ITGB5: variants seen among roughly 807,000 people sequenced by gnomAD.
ITGB5 encodes the protein integrin subunit beta 5, also known as integrin beta-5.
Under a neutral mutation model 84.8 loss-of-function variants are expected in ITGB5, and 38 were observed. That is an observed-to-expected ratio of 0.45 (90% CI 0.35 to 0.59). The LOEUF (loss-of-function observed/expected upper bound fraction) is 0.59. ITGB5 is among the 20% of genes least tolerant of loss of function. The pLI is 0.01. For synonymous variants in ITGB5, 393 were observed against 414.4 expected (o/e 0.95, Z 0.63); for missense variants, 905 against 1,034.5 (o/e 0.87, Z 1.72).
chr3:124,841,199 G>A (rs528669627), intron 5 of ITGB5, among the ~76,000 whole-genome samples, 184 bp downstream of exon 5: 47 of 152,198 alleles, frequency 3.1e-4, no homozygotes, highest in South Asian at 2.9e-3. Flanking sequence ...ATCCATTCCC[G>A]AGCTCCGGCT....
chr3:124,889,614 T>C (rs1339025162), upstream of ITGB5, among the ~76,000 whole-genome samples: 3 of 152,204 alleles, frequency 2.0e-5, no homozygotes, highest in Admixed American at 2.0e-4. Context: ...GTAAAACGCT[T>C]GTCCCTAAAC....
intron 1 of ITGB5, among the ~76,000 whole-genome samples, chr3:124,898,773 TAA>T (rs36079714): frequency 0.024 from 2,667 of 109,668 alleles, 97 homozygotes; most frequent in African/African-American, 0.091. Context: ...CCCCATGTCT[TAA>T]AAAAAAAAAA....
At chr3:124,787,296 C>T (rs1210880079) in intron 10 of ITGB5, among the ~76,000 whole-genome samples, 2 of 152,070 alleles carry the variant, frequency 1.3e-5, no homozygotes, top group African/African-American at 2.4e-5. Context: ...AGGATCTGAG[C>T]GGTAAGCAAA....
Position 124,769,090 on chromosome 3 carries a change from A to T in ITGB5, c.1940T>A (p.Leu647His). ...CTGGTTGTCAGGTTTCCCAGAGTGG[A>T]GCAGCAGGCACTCGACGCAATCTCT... is the stretch of plus-strand genomic sequence containing the variant. ...TKRDCVECLL[L>H]HSGKPDNQTC... The change falls in exon 12 of 15, where the codon CTC becomes CAC. Residue 647 changes from leucine (L) to histidine (H), a missense_variant. Transcript: ENST00000296181. 1 of 1,613,990 alleles carries T rather than the reference A, an allele frequency of 6.2e-7. No homozygotes were observed. Among genetic ancestry groups the T allele is most frequent in the Non-Finnish European group, 8.5e-7 (1 of 1,180,010 alleles).
chr3:124,767,227 T>G (rs1409732034), intron 12 of ITGB5, among the ~76,000 whole-genome samples: 4 of 152,208 alleles, frequency 2.6e-5, no homozygotes, highest in Admixed American at 6.5e-5. Flanking sequence ...GGTAAATGCT[T>G]TCCAGCTCTT....
intron 5 of ITGB5, among the ~76,000 whole-genome samples, chr3:124,830,131 A>T (rs2064838800): frequency 1.3e-5 from 2 of 152,230 alleles, no homozygotes; most frequent in East Asian, 3.8e-4. Flanking sequence ...CACTAGTTTG[A>T]GGACGCAAGC....
chr3:124,842,867 T>C (rs557493830), intron 4 of ITGB5, among the ~76,000 whole-genome samples: 33 of 152,264 alleles, frequency 2.2e-4, no homozygotes, highest in African/African-American at 7.5e-4. Flanking sequence ...AAGGGGCTAT[T>C]CCATTCCCTC....
At chr3:124,850,711 CA>C (rs3836318) in intron 3 of ITGB5, among the ~76,000 whole-genome samples, 87,777 of 148,536 alleles carry the variant, frequency 0.59, 25,797 homozygotes, top group East Asian at 0.75. Flanking sequence ...TTTAAAAAAA[CA>C]AAAAAAAAAA....
At chr3:124,764,621 G>A in intron 13 of ITGB5, 64 bp from the exon 14 acceptor site, 1 of 1,509,332 alleles carries the variant, frequency 6.6e-7, no homozygotes, top group Admixed American at 1.9e-5. Context: ...TCACGCAACT[G>A]CAGGCATTTC....
intron 10 of ITGB5, among the ~76,000 whole-genome samples, chr3:124,774,718 T>G (rs2063897677): frequency 6.6e-6 from 1 of 152,174 alleles, no homozygotes; most frequent in Admixed American, 6.5e-5. Context: ...GAGTCCTAGT[T>G]AGAAGCTGAA....
At chr3:124,816,570 GC>G (rs1319660945) in intron 8 of ITGB5, among the ~76,000 whole-genome samples, 1 of 152,184 alleles carries the variant, frequency 6.6e-6, no homozygotes, top group Non-Finnish European at 1.5e-5. Flanking sequence ...GGCAATGGAT[GC>G]CATAACCATC....
intron 4 of ITGB5, among the ~76,000 whole-genome samples, 157 bp downstream of exon 4, chr3:124,848,152 A>G (rs1273099801): frequency 2.6e-5 from 4 of 152,204 alleles, no homozygotes; most frequent in Non-Finnish European, 5.9e-5. Context: ...ACGTCAGGAA[A>G]GGAGAGAATG....
At chr3:124,874,680 A>C (rs550005646) in intron 1 of ITGB5, among the ~76,000 whole-genome samples, 1 of 152,310 alleles carries the variant, frequency 6.6e-6, no homozygotes, top group East Asian at 1.9e-4. Flanking sequence ...GAACAGAATA[A>C]AGTGCCCAGA....
chr3:124,782,703 C>CA (rs201328542), intron 10 of ITGB5, among the ~76,000 whole-genome samples: 2,084 of 152,138 alleles, frequency 0.014, 33 homozygotes, highest in South Asian at 0.044. Context: ...ACTAAAAATA[C>CA]AAAAATTAGC....
chr3:124,867,882 T>C (rs2065416180), intron 2 of ITGB5, among the ~76,000 whole-genome samples: 1 of 152,216 alleles, frequency 6.6e-6, no homozygotes, highest in South Asian at 2.1e-4. Flanking sequence ...ATGGTTAGGC[T>C]TTGTGTTCCC....
chr3:124,802,540 G>A (rs960810672), intron 9 of ITGB5, among the ~76,000 whole-genome samples: 5 of 152,228 alleles, frequency 3.3e-5, no homozygotes, highest in South Asian at 2.1e-4. Flanking sequence ...TGCCAGGGCC[G>A]GCTCCCTGGT....
Position 124,821,462 on chromosome 3 carries a change from A to G in ITGB5, c.793T>C (p.Trp265Arg). The change falls in exon 6 of 15, where the codon TGG becomes CGG. Residue 265 changes from tryptophan (W) to arginine (R), a missense_variant. Around this residue, in one of 3 missense-constraint regions of ITGB5, gnomAD observed 656 missense variants for 734.7 expected, o/e 0.89. Coordinates refer to ENST00000296181, the MANE Select transcript of ITGB5 (RefSeq NM_002213.5). ...AGCAAATGCAGTGCATCCTTTCGCC[A>G]GCCAATCTTCTCCTGAAGGACAGAA... The part of the protein sequence containing the change: ...QAAVCKEKIG[W>R]RKDALHLLVF... 6.2e-7 allele frequency: 1 copy of G among 1,614,212 alleles called. No homozygotes were observed. The highest frequency in any genetic ancestry group is 8.5e-7 in the Non-Finnish European group (1 of 1,180,036).
chr3:124,845,489 C>T lies in ITGB5; in HGVS notation c.611+2820G>A, dbSNP rs531616577. 4.6e-5 allele frequency among the ~76,000 whole-genome samples: 7 copies of T among 152,354 alleles called. No individual in the cohort carries two copies. In the East Asian group the frequency reaches 7.7e-4, roughly 17 times the overall value. The stretch of plus-strand genomic sequence containing the variant: ...AAGAGAGCTTCACATAACTCAGGCC[C>T]GAGGTTTCCTTCCACATTCTCATTC... On this transcript the variant is annotated intron_variant, in intron 4 of 14. Transcript: ENST00000296181.
intron 5 of ITGB5, among the ~76,000 whole-genome samples, chr3:124,836,745 C>T (rs1372079920): frequency 6.6e-6 from 1 of 152,138 alleles, no homozygotes; most frequent in Non-Finnish European, 1.5e-5. Flanking sequence ...TCCTCTGAGG[C>T]TGTGGTCTTC....
Sources: allele counts gnomAD v4.1 joint callset (sites outside exome capture counted in the v4.1 genomes callset), GRCh38; gene constraint gnomAD v4.1.1; regional missense constraint gnomAD v4.1.1; transcripts MANE v1.5; gene names NCBI Gene and HGNC (gene_info 2026-07-23, HGNC 2026-07-21).